Variants in DOCK2 observed in about 807,000 individuals in gnomAD.
DOCK2 encodes dedicator of cytokinesis 2, also known as dedicator of cytokinesis protein 2.
Under a neutral mutation model 248.9 loss-of-function variants are expected in DOCK2, and 87 were observed. That is an observed-to-expected ratio of 0.35 (90% CI 0.29 to 0.42). The LOEUF is 0.42. Ranked by LOEUF, DOCK2 falls within the 10% of genes least tolerant of loss-of-function variation. The probability of loss-of-function intolerance (pLI) is 1.00; values close to 1 mark genes in which losing one functional copy is unlikely to be tolerated. For synonymous variants in DOCK2, 805 were observed against 821.6 expected, an observed-to-expected ratio of 0.98 and a Z score of 0.35; for missense variants, 1,747 against 2,300.2, an observed-to-expected ratio of 0.76 and a Z score of 4.92.
chr5:169,780,152 T>C (rs1765619640), intron 25 of DOCK2, among the ~76,000 whole-genome samples: 1 of 152,216 alleles, frequency 6.6e-6, no homozygotes, highest in Admixed American at 6.5e-5. Flanking sequence ...AAGAAGCATG[T>C]GGCTCTTGCC....
chr5:169,886,984 C>T (rs1432365790), intron 27 of DOCK2, among the ~76,000 whole-genome samples: 2 of 152,118 alleles, frequency 1.3e-5, no homozygotes, highest in African/African-American at 4.8e-5. Context: ...GCGATCAGTT[C>T]CCCACTTTAT....
At chr5:170,067,721 C>G (rs1561906692) in intron 45 of DOCK2, 35 bp downstream of exon 45, 1 of 1,609,558 alleles carries the variant, frequency 6.2e-7, no homozygotes, top group East Asian at 2.2e-5. Flanking sequence ...TAGGGGAGCT[C>G]GGTGAGCAGA....
At chr5:169,761,126 T>C (rs1231920960) in intron 24 of DOCK2, among the ~76,000 whole-genome samples, 2 of 152,240 alleles carry the variant, frequency 1.3e-5, no homozygotes, top group African/African-American at 4.8e-5. Context: ...AACTCTTGTT[T>C]CTTTAACTTC....
At chr5:169,857,551 C>G (rs1312845987) in intron 27 of DOCK2, among the ~76,000 whole-genome samples, 1 of 152,098 alleles carries the variant, frequency 6.6e-6, no homozygotes, top group Non-Finnish European at 1.5e-5. Flanking sequence ...ATGGGAATAA[C>G]ATTACACTCT....
intron 2 of DOCK2, among the ~76,000 whole-genome samples, chr5:169,661,080 G>C (rs1222062538): frequency 6.6e-6 from 1 of 151,992 alleles, no homozygotes; most frequent in Non-Finnish European, 1.5e-5. Flanking sequence ...TAGAAGAATG[G>C]TATCTACTAA....
chr5:169,961,978 C>CAAAAAAAAAAAAAA (rs70979150), intron 27 of DOCK2, among the ~76,000 whole-genome samples: 1,994 of 74,530 alleles, frequency 0.027, 624 homozygotes, highest in African/African-American at 0.06. Context: ...GACTCTGTCC[C>CAAAAAAAAAAAAAA]AAAAAAAAAA....
chr5:169,792,038 T>C (rs1230868340), intron 25 of DOCK2, among the ~76,000 whole-genome samples: 1 of 152,154 alleles, frequency 6.6e-6, no homozygotes, highest in Non-Finnish European at 1.5e-5. Flanking sequence ...TTGAGAGTCA[T>C]GAAACCATGG....
chr5:169,867,523 C>T (rs763325475), intron 27 of DOCK2, among the ~76,000 whole-genome samples: 1 of 150,908 alleles, frequency 6.6e-6, no homozygotes, highest in Non-Finnish European at 1.5e-5. Context: ...ATCTATCTAT[C>T]ATCTATCATC....
At chr5:170,076,401 A>G (rs542897795) in intron 47 of DOCK2, among the ~76,000 whole-genome samples, 27 of 152,350 alleles carry the variant, frequency 1.8e-4, no homozygotes, top group African/African-American at 6.3e-4. Flanking sequence ...CTTGACATCT[A>G]CTAGGTCATT....
rs1757760933 is a variant in DOCK2 at position 170,073,978 on chromosome 5, CCTTTG to C, written c.4729-1968_4729-1964del. ...CTTTATTATTTTCATTCCTTTTCTC[CCTTTG>C]AATTTAGTTCGCTGTTCTTTTACTA... On this transcript the variant is annotated intron_variant, in intron 46 of 51. Transcript: ENST00000520908. 7.2e-5 allele frequency among the ~76,000 whole-genome samples: 11 copies of C among 151,872 alleles called. No homozygotes were observed. The South Asian group carries it at 2.1e-3, about 29-fold the overall frequency.
chr5:169,955,093 G>A (rs1776809021), intron 27 of DOCK2, among the ~76,000 whole-genome samples: 1 of 152,220 alleles, frequency 6.6e-6, no homozygotes, highest in Non-Finnish European at 1.5e-5. Context: ...GCCCTCTGAA[G>A]CAAGGCAACC....
chr5:169,683,703 T>G (rs998112810), intron 7 of DOCK2, among the ~76,000 whole-genome samples: 1 of 152,234 alleles, frequency 6.6e-6, no homozygotes, highest in African/African-American at 2.4e-5. Context: ...TCTCTTTATG[T>G]GCTTCCTGTC....
chr5:169,782,936 G>T (rs1765791632), intron 25 of DOCK2, among the ~76,000 whole-genome samples: 1 of 152,164 alleles, frequency 6.6e-6, no homozygotes, highest in Non-Finnish European at 1.5e-5. Flanking sequence ...TTCAAAAAAT[G>T]TTTATTGATT....
Position 170,042,017 on chromosome 5 carries a change from C to T in DOCK2, c.3761C>T (p.Ser1254Leu), listed in dbSNP as rs752757260. ...TCCTGTGTCTTCTCTTCACAGTGGTCGGATGAGCAGTGTGCATCACAGGTC... is the reference window on the plus strand; with the variant it reads ...TCCTGTGTCTTCTCTTCACAGTGGTTGGATGAGCAGTGTGCATCACAGGTC... ...LLLHTWLLKW[S>L]DEQCASQVMQ... Residue 1254 changes from serine (S) to leucine (L), a missense_variant, in exon 38 of 52, where the codon TCG becomes TTG. Coordinates refer to ENST00000520908, the MANE Select transcript of DOCK2 (RefSeq NM_004946.3). The T allele has an allele frequency of 4.3e-6, 7 of 1,612,966 alleles. No individual in the cohort carries two copies. The highest frequency in any genetic ancestry group is 1.7e-5 in the Admixed American group (1 of 59,956).
rs566720012 is a variant in DOCK2 at position 169,908,723 on chromosome 5, T to C, written c.2799+67871T>C. The stretch of plus-strand genomic sequence containing the variant: ...TCTCTTTTCTTTTTTCTTTTTTTTT[T>C]TTTTTTTTTGAGACCGAGTCTCACT... On this transcript the variant is annotated intron_variant, in intron 27 of 51. Transcript: ENST00000520908. Among the ~76,000 whole-genome samples, 48 of 146,852 alleles carry C rather than the reference T, an allele frequency of 3.3e-4. No homozygotes were observed. The East Asian group carries it at 8.2e-3, about 25-fold the overall frequency.
Position 169,654,405 on chromosome 5 carries a change from A to G in DOCK2, c.46A>G (p.Ile16Val), listed in dbSNP as rs1452503755. 4 of 1,614,086 alleles carry G rather than the reference A, an allele frequency of 2.5e-6. No homozygotes were observed. Among genetic ancestry groups the G allele is most frequent in the African/African-American group, 2.7e-5 (2 of 74,934 alleles). Residue 16 changes from isoleucine (I) to valine (V), a missense_variant and splice_region_variant, in exon 2 of 52, where the codon ATA (isoleucine) becomes GTA (valine). Physicochemically the swap from Ile to Val is conservative, Grantham distance 29 (BLOSUM62 3). Coordinates refer to ENST00000520908, the MANE Select transcript of DOCK2 (RefSeq NM_004946.3). ...KADKERHGVA[I>V]YNFQGSGAPQ... ...CTGTCTTTCTTTCTGTTTCACAGCC[A>G]TATACAACTTCCAAGGCAGCGGAGC...
intron 19 of DOCK2, among the ~76,000 whole-genome samples, chr5:169,715,396 T>C (rs1295132570): frequency 6.6e-6 from 1 of 152,142 alleles, no homozygotes; most frequent in Non-Finnish European, 1.5e-5. Flanking sequence ...TCAAGTTTTA[T>C]TTAATTGCCT....
At chr5:169,745,638 G>A (rs1441617404) in intron 22 of DOCK2, among the ~76,000 whole-genome samples, 4 of 152,154 alleles carry the variant, frequency 2.6e-5, no homozygotes, top group Admixed American at 6.5e-5. Context: ...TGTTGCGTGA[G>A]CTTCATTAAT....
intron 25 of DOCK2, among the ~76,000 whole-genome samples, chr5:169,794,965 T>C (rs948297879): frequency 6.6e-6 from 1 of 152,074 alleles, no homozygotes; most frequent in African/African-American, 2.4e-5. Context: ...GAGGCCAAGG[T>C]GTGTGGATTG....
Sources: gnomAD v4.1 joint callset for allele counts (sites outside exome capture counted in the v4.1 genomes callset) on GRCh38, gnomAD v4.1.1 for gene constraint, MANE v1.5 for transcripts, NCBI Gene and HGNC (gene_info 2026-07-23, HGNC 2026-07-21) for gene names.